The following FOXP2 variants were observed in gnomAD, a reference collection of about 807,000 sequenced individuals.
FOXP2 encodes forkhead box protein P2.
A neutral mutation model predicts 115.8 loss-of-function variants in FOXP2; 12 were observed. That is an observed-to-expected ratio of 0.10 (90% CI 0.07 to 0.17). FOXP2 has a LOEUF of 0.17. FOXP2 is among the 10% of genes least tolerant of loss of function. FOXP2 has a pLI of 1.00. For missense variants in FOXP2, 629 were observed against 843.5 expected (o/e 0.75, Z 3.15); for synonymous variants, 328 against 297.7 (o/e 1.10, Z -1.05).
At chr7:114,246,436 C>T (rs750928289) in intron 1 of FOXP2, among the ~76,000 whole-genome samples, 3 of 151,798 alleles carry the variant, frequency 2.0e-5, no homozygotes, top group Non-Finnish European at 4.4e-5. Context: ...AATCATTAAG[C>T]CAAGGAAACA....
At chr7:114,476,137 T>G (rs1796248708) in intron 2 of FOXP2, among the ~76,000 whole-genome samples, 1 of 151,708 alleles carries the variant, frequency 6.6e-6, no homozygotes, top group South Asian at 2.1e-4. Flanking sequence ...AGGTCCCATT[T>G]GTTTATTTTT....
At chr7:114,493,915 T>C (rs1333334881) in intron 2 of FOXP2, among the ~76,000 whole-genome samples, 2 of 151,564 alleles carry the variant, frequency 1.3e-5, no homozygotes, top group Non-Finnish European at 2.9e-5. Context: ...TAAGAAGAAA[T>C]TATCTAATAG....
chr7:114,271,118 A>G (rs1026389167), intron 1 of FOXP2, among the ~76,000 whole-genome samples: 2 of 151,802 alleles, frequency 1.3e-5, no homozygotes, highest in African/African-American at 4.8e-5. Context: ...TGTTCCATTT[A>G]TTTATTTGTC....
At chr7:114,647,930 T>A (rs1429348648) in intron 8 of FOXP2, among the ~76,000 whole-genome samples, 1 of 152,014 alleles carries the variant, frequency 6.6e-6, no homozygotes, top group African/African-American at 2.4e-5. Flanking sequence ...GTGGAAATAC[T>A]CTCCTTTAAG....
At chr7:114,607,865 GAGA>G (rs1244849232) in intron 3 of FOXP2, among the ~76,000 whole-genome samples, 1 of 152,194 alleles carries the variant, frequency 6.6e-6, no homozygotes, top group Non-Finnish European at 1.5e-5. Flanking sequence ...GAAAGGGAAA[GAGA>G]AGGAGATTAT....
At position 114,534,649 on chromosome 7, in the gene FOXP2, G is replaced by A. The variant is rs1799290446; in HGVS notation, c.201G>A (p.Gln67=). ...ALQAARQLLL[Q]QQTSGLKSPK... ...AGGCAGCAAGACAACTTCTTTTACA[G>A]CAGCAAACAAGTGGATTGAAATCTC... Residue 67 remains glutamine (Q), a synonymous_variant, in exon 3 of 17, where the codon CAG becomes CAA. Coordinates refer to ENST00000350908, the MANE Select transcript of FOXP2 (RefSeq NM_014491.4). 3 of 1,611,850 alleles carry A rather than the reference G, an allele frequency of 1.9e-6. No individual in the cohort carries two copies. The highest frequency in any genetic ancestry group is 2.7e-5 in the African/African-American group (2 of 74,758).
upstream of FOXP2, among the ~76,000 whole-genome samples, chr7:114,159,691 G>A (rs1270607947): frequency 5.5e-5 from 2 of 36,538 alleles, no homozygotes; most frequent in Admixed American, 5.4e-4. Context: ...AACGATCACT[G>A]GATTATAGTT....
At chr7:114,093,454 C>T (rs1402556685) in intron 1 of FOXP2, among the ~76,000 whole-genome samples, 1 of 152,124 alleles carries the variant, frequency 6.6e-6, no homozygotes, top group Non-Finnish European at 1.5e-5. Flanking sequence ...CATGTAGGTT[C>T]CATGGAGCCA....
chr7:114,206,069 C>T (rs1017504258), intron 1 of FOXP2, among the ~76,000 whole-genome samples: 1 of 152,146 alleles, frequency 6.6e-6, no homozygotes, highest in Non-Finnish European at 1.5e-5. Context: ...AAGGCTATCC[C>T]AGTCCTGGTC....
intron 1 of FOXP2, among the ~76,000 whole-genome samples, chr7:114,235,900 G>T (rs950902940): frequency 6.6e-6 from 1 of 152,150 alleles, no homozygotes; most frequent in African/African-American, 2.4e-5. Context: ...TCTCTGTAAA[G>T]CATTCTTTGA....
At chr7:114,624,560 C>T (rs1804429953) in intron 3 of FOXP2, among the ~76,000 whole-genome samples, 1 of 151,756 alleles carries the variant, frequency 6.6e-6, no homozygotes, top group African/African-American at 2.4e-5. Context: ...TATGCAAGCC[C>T]AGCACATTCA....
At chr7:114,384,600 T>C (rs1304948722) in intron 2 of FOXP2, among the ~76,000 whole-genome samples, 2 of 152,060 alleles carry the variant, frequency 1.3e-5, no homozygotes, top group African/African-American at 4.8e-5. Flanking sequence ...GGTCGGACCT[T>C]TGTGTGGTAA....
chr7:114,189,945 C>T (rs1398954535), intron 1 of FOXP2, among the ~76,000 whole-genome samples: 1 of 151,900 alleles, frequency 6.6e-6, no homozygotes, highest in Non-Finnish European at 1.5e-5. Flanking sequence ...TTTATGAAAG[C>T]CTATTTATTG....
intron 1 of FOXP2, among the ~76,000 whole-genome samples, chr7:114,102,741 G>T (rs1347320788): frequency 7.8e-6 from 1 of 128,764 alleles, no homozygotes; most frequent in Non-Finnish European, 1.6e-5. Context: ...CACCCCAATG[G>T]TTATTCATAT....
At chr7:114,280,323 A>G (rs1796300454) in intron 1 of FOXP2, among the ~76,000 whole-genome samples, 1 of 152,004 alleles carries the variant, frequency 6.6e-6, no homozygotes, top group Admixed American at 6.6e-5. Flanking sequence ...ATTGTCTGAA[A>G]TTCTTTTCCT....
chr7:114,486,086 C>T (rs1056179927), intron 2 of FOXP2, among the ~76,000 whole-genome samples: 5 of 152,022 alleles, frequency 3.3e-5, no homozygotes, highest in Non-Finnish European at 5.9e-5. Flanking sequence ...CAAATGTAAA[C>T]GGACCCTTTA....
intron 1 of FOXP2, among the ~76,000 whole-genome samples, chr7:114,178,814 T>A (rs2581152): frequency 0.026 from 3,962 of 151,982 alleles, 180 homozygotes; most frequent in African/African-American, 0.088. Context: ...TTAGTTTTGA[T>A]GATCTAGTCA....
chr7:114,630,410 G>A (rs981200428), intron 5 of FOXP2, among the ~76,000 whole-genome samples: 3 of 152,100 alleles, frequency 2.0e-5, no homozygotes, highest in Non-Finnish European at 4.4e-5. Context: ...AACTGGTTGA[G>A]CACAGATTTC....
chr7:114,095,795 A>T (rs2129139879), intron 1 of FOXP2, among the ~76,000 whole-genome samples: 1 of 152,200 alleles, frequency 6.6e-6, no homozygotes, highest in East Asian at 1.9e-4. Context: ...TTAAAATTAG[A>T]GCTCTCCTTT....
Sources: gnomAD v4.1 joint callset for allele counts (sites outside exome capture counted in the v4.1 genomes callset) on GRCh38, gnomAD v4.1.1 for gene constraint, MANE v1.5 for transcripts, NCBI Gene and HGNC (gene_info 2026-07-23, HGNC 2026-07-21) for gene names.